The following ERC2 variants were observed in gnomAD, a reference collection of about 807,000 sequenced individuals.
ERC2 encodes ELKS/RAB6-interacting/CAST family member 2.
Under a neutral mutation model 114.8 loss-of-function variants are expected in ERC2, and 42 were observed. That is an observed-to-expected ratio of 0.37 (90% confidence interval 0.29 to 0.47). The LOEUF is 0.47. Ranked by LOEUF, ERC2 falls within the 20% of genes least tolerant of loss-of-function variation. ERC2 has a pLI of 0.99. For missense variants in ERC2, 939 were observed against 1,150.7 expected (o/e 0.82, Z 2.66); for synonymous variants, 454 against 425.5 (o/e 1.07, Z -0.82).
At chr3:56,174,397 T>C (rs2082855457) in intron 3 of ERC2, among the ~76,000 whole-genome samples, 1 of 152,052 alleles carries the variant, frequency 6.6e-6, no homozygotes. Context: ...TTTAGGAGAG[T>C]GAGCAATGGC....
chr3:56,229,056 C>T (rs567856331), intron 3 of ERC2, among the ~76,000 whole-genome samples: 5 of 152,236 alleles, frequency 3.3e-5, no homozygotes, highest in South Asian at 2.1e-4. Flanking sequence ...CAGAACTTCA[C>T]GTACTTTGTT....
At chr3:56,131,746 T>C (rs1455850285) in intron 6 of ERC2, among the ~76,000 whole-genome samples, 1 of 152,102 alleles carries the variant, frequency 6.6e-6, no homozygotes, top group Non-Finnish European at 1.5e-5. Flanking sequence ...TACAGCTAGA[T>C]AGGAGGAATA....
At chr3:56,396,654 C>T (rs1216068571) in intron 2 of ERC2, among the ~76,000 whole-genome samples, 1 of 152,104 alleles carries the variant, frequency 6.6e-6, no homozygotes, top group Non-Finnish European at 1.5e-5. Flanking sequence ...TTCTAAATTA[C>T]ACATATCTTT....
At chr3:55,778,772 G>A (rs960525779) in intron 14 of ERC2, among the ~76,000 whole-genome samples, 1 of 152,100 alleles carries the variant, frequency 6.6e-6, no homozygotes, top group African/African-American at 2.4e-5. Flanking sequence ...ACATGTGAAT[G>A]ACTAATTGAT....
chr3:55,550,335 G>A (rs2107409915), intron 17 of ERC2, among the ~76,000 whole-genome samples: 1 of 152,278 alleles, frequency 6.6e-6, no homozygotes, highest in African/African-American at 2.4e-5. Context: ...TTGGGTGTGT[G>A]ATTATCTCAC....
At chr3:55,713,931 T>A (rs576505397) in intron 15 of ERC2, among the ~76,000 whole-genome samples, 2 of 152,346 alleles carry the variant, frequency 1.3e-5, no homozygotes, top group East Asian at 3.9e-4. Context: ...TTCCCTTGAC[T>A]TGTCTTTCTA....
chr3:55,910,060 T>C (rs1269616450), intron 13 of ERC2, among the ~76,000 whole-genome samples: 2 of 152,070 alleles, frequency 1.3e-5, no homozygotes, highest in African/African-American at 2.4e-5. Flanking sequence ...GTTGAATCAA[T>C]GACTAGTCTA....
intron 1 of ERC2, among the ~76,000 whole-genome samples, chr3:56,461,373 A>G (rs1288437236): frequency 1.3e-5 from 2 of 152,232 alleles, no homozygotes; most frequent in Non-Finnish European, 2.9e-5. Context: ...GTCCAACTCC[A>G]GTTGACGGGA....
chr3:56,446,612 T>C (rs2062575612), intron 1 of ERC2, among the ~76,000 whole-genome samples: 1 of 113,302 alleles, frequency 8.8e-6, no homozygotes, highest in Non-Finnish European at 1.9e-5. Flanking sequence ...CATTTTCTTC[T>C]TTTTTTTTTT....
At chr3:55,692,387 A>G (rs2148806417) in intron 16 of ERC2, among the ~76,000 whole-genome samples, 1 of 152,312 alleles carries the variant, frequency 6.6e-6, no homozygotes, top group African/African-American at 2.4e-5. Flanking sequence ...GGGTTTTATG[A>G]AAAAAGAACT....
At chr3:56,189,034 CA>C (rs2083816537) in intron 3 of ERC2, among the ~76,000 whole-genome samples, 1 of 152,066 alleles carries the variant, frequency 6.6e-6, no homozygotes, top group Non-Finnish European at 1.5e-5. Context: ...AGGAGGTAAG[CA>C]CCAATCTTAT....
At chr3:56,117,765 T>TG (rs1465447941) in intron 6 of ERC2, among the ~76,000 whole-genome samples, 3 of 152,216 alleles carry the variant, frequency 2.0e-5, no homozygotes, top group Non-Finnish European at 4.4e-5. Context: ...GATGAGCACC[T>TG]GCTCTGTAAA....
At chr3:56,412,675 C>G (rs182330656) in intron 2 of ERC2, among the ~76,000 whole-genome samples, 1 of 152,110 alleles carries the variant, frequency 6.6e-6, no homozygotes, top group Non-Finnish European at 1.5e-5. Flanking sequence ...ATGTTTGGCA[C>G]GATTTGTGAG....
chr3:56,464,579 T>G (rs1265673995), intron 1 of ERC2, among the ~76,000 whole-genome samples: 1 of 152,274 alleles, frequency 6.6e-6, no homozygotes, highest in Non-Finnish European at 1.5e-5. Context: ...GCATGTCTTA[T>G]ATCTTCATTC....
intron 17 of ERC2, among the ~76,000 whole-genome samples, chr3:55,616,740 T>G (rs894678940): frequency 2.6e-5 from 4 of 151,706 alleles, no homozygotes; most frequent in African/African-American, 9.7e-5. Context: ...ATTTTACAAA[T>G]AGAAAAAACT....
At chr3:55,866,308 A>C (rs2149272549) in intron 14 of ERC2, among the ~76,000 whole-genome samples, 1 of 152,234 alleles carries the variant, frequency 6.6e-6, no homozygotes, top group East Asian at 1.9e-4. Context: ...AGGTTATTTG[A>C]GTTTTTATTG....
At chr3:55,894,881 T>A (rs2063770378) in intron 13 of ERC2, among the ~76,000 whole-genome samples, 1 of 152,186 alleles carries the variant, frequency 6.6e-6, no homozygotes, top group Admixed American at 6.5e-5. Context: ...CACAGAAGTA[T>A]CAACTCTTTC....
chr3:55,859,199 G>A (rs909503525), intron 14 of ERC2, among the ~76,000 whole-genome samples: 2 of 152,142 alleles, frequency 1.3e-5, no homozygotes, highest in South Asian at 2.1e-4. Context: ...GGCTGCTGGG[G>A]GAGGCTACTG....
intron 17 of ERC2, among the ~76,000 whole-genome samples, chr3:55,651,193 C>T (rs1559801162): frequency 6.6e-6 from 1 of 151,902 alleles, no homozygotes; most frequent in Non-Finnish European, 1.5e-5. Context: ...GCCAGTCTGC[C>T]CTCACTGCTG....
Sources: allele counts gnomAD v4.1 joint callset (sites outside exome capture counted in the v4.1 genomes callset), GRCh38; gene constraint gnomAD v4.1.1; transcripts MANE v1.5; gene names NCBI Gene and HGNC (gene_info 2026-07-23, HGNC 2026-07-21).